The following RBMS1 variants were observed in gnomAD, a reference collection of about 807,000 sequenced individuals.
RBMS1 encodes RNA binding motif single stranded interacting protein 1.
Under a neutral mutation model 62.3 loss-of-function variants are expected in RBMS1, and 17 were observed. The ratio of observed to expected loss-of-function variants is 0.27; its 90% CI spans 0.19 to 0.41. RBMS1 has a LOEUF of 0.41. Ranked by LOEUF, RBMS1 falls within the 10% of genes least tolerant of loss-of-function variation. The probability of loss-of-function intolerance (pLI) is 1.00; values close to 1 mark genes in which losing one functional copy is unlikely to be tolerated. For synonymous variants in RBMS1, 172 were observed against 170.0 expected, an observed-to-expected ratio of 1.01 and a Z score of -0.09; for missense variants, 334 against 504.5, an observed-to-expected ratio of 0.66 and a Z score of 3.24.
intron 1 of RBMS1, among the ~76,000 whole-genome samples, chr2:160,436,222 T>C (rs1683104702): frequency 6.6e-6 from 1 of 152,238 alleles, no homozygotes; most frequent in South Asian, 2.1e-4. Context: ...TGACCAATAA[T>C]GTGTAGTAGA....
At chr2:160,452,953 A>T (rs1170299054) in intron 1 of RBMS1, among the ~76,000 whole-genome samples, 2 of 152,180 alleles carry the variant, frequency 1.3e-5, no homozygotes, top group African/African-American at 4.8e-5. Flanking sequence ...TAACCTTGTA[A>T]TGCCTTAGTA....
chr2:160,426,597 A>G (rs952013528), intron 1 of RBMS1, among the ~76,000 whole-genome samples: 1 of 152,208 alleles, frequency 6.6e-6, no homozygotes, highest in Non-Finnish European at 1.5e-5. Flanking sequence ...GTGGATATAG[A>G]TGTTGTTAAA....
intron 1 of RBMS1, among the ~76,000 whole-genome samples, chr2:160,396,815 G>T: frequency 6.6e-6 from 1 of 151,934 alleles, no homozygotes; most frequent in East Asian, 1.9e-4. Context: ...CGCCCACCTC[G>T]GACTCCCAAA....
chr2:160,278,716 G>T, intron 10 of RBMS1, 58 bp from the exon 11 acceptor site: 1 of 1,088,024 alleles, frequency 9.2e-7, no homozygotes, highest in Non-Finnish European at 1.3e-6. Flanking sequence ...TTAAGATCCT[G>T]TAATTACTTT....
chr2:160,347,825 C>G (rs1475716068), intron 2 of RBMS1, among the ~76,000 whole-genome samples: 1 of 152,038 alleles, frequency 6.6e-6, no homozygotes, highest in East Asian at 1.9e-4. Context: ...CAATAACACA[C>G]CAGTAGAAGC....
intron 2 of RBMS1, among the ~76,000 whole-genome samples, chr2:160,360,899 A>G (rs1233322339): frequency 1.3e-5 from 2 of 152,250 alleles, no homozygotes; most frequent in African/African-American, 4.8e-5. Context: ...AAGCACAAGG[A>G]AAACTTACAG....
rs1431336010 is a variant in RBMS1, at chr2:160,272,820, T to G, written c.*1952A>C. Reference sequence around the variant, plus strand: ...TAATTTTCACTAGAATCTACACTTCTCAGAGCAGCAAGGACTTTTGAAACT... The same window carrying G: ...TAATTTTCACTAGAATCTACACTTCGCAGAGCAGCAAGGACTTTTGAAACT... On this transcript the variant is annotated 3_prime_UTR_variant, in exon 14 of 14. Coordinates refer to ENST00000348849, the MANE Select transcript of RBMS1 (RefSeq NM_016836.4). 1.3e-5 allele frequency: 2 copies of G among 152,266 alleles called. No individual in the cohort carries two copies. The highest frequency in any genetic ancestry group is 3.8e-4 in the East Asian group (2 of 5,206). 9.4% of individuals were successfully genotyped at this position (152,266 alleles called of 1,614,324 possible). A position where few individuals can be genotyped will look rare whatever the true frequency, so the allele number is the denominator to read the frequency against.
intron 2 of RBMS1, among the ~76,000 whole-genome samples, chr2:160,347,716 T>C (rs1359369810): frequency 6.6e-6 from 1 of 152,122 alleles, no homozygotes; most frequent in Admixed American, 6.6e-5. Context: ...TACTGATCTC[T>C]AACACCATAC....
intron 4 of RBMS1, among the ~76,000 whole-genome samples, chr2:160,306,594 C>T (rs907551882): frequency 3.3e-5 from 5 of 151,330 alleles, no homozygotes; most frequent in African/African-American, 1.2e-4. Flanking sequence ...ATCTTACAAA[C>T]ATTGTCCACA....
In RBMS1 at chr2:160,272,996, A is replaced by G. The variant is rs981596482; in HGVS notation, c.*1776T>C. The G allele has an allele frequency of 5.9e-5, 9 of 152,270 alleles. No homozygotes were observed. Among genetic ancestry groups the G allele is most frequent in the Non-Finnish European group, 8.8e-5 (6 of 68,048 alleles). 9.4% of individuals were successfully genotyped at this position (152,270 alleles called of 1,614,324 possible). ...AGGGCCAGCAACCTGTCCCAGCACA[A>G]AAGAAAATAGACTCTGAGGTAGATA... is the stretch of plus-strand genomic sequence containing the variant. On this transcript the variant is annotated 3_prime_UTR_variant, in exon 14 of 14. Coordinates refer to ENST00000348849, the MANE Select transcript of RBMS1 (RefSeq NM_016836.4).
chr2:160,333,623 T>C (rs574393341), intron 2 of RBMS1, among the ~76,000 whole-genome samples: 1 of 152,156 alleles, frequency 6.6e-6, no homozygotes, highest in Non-Finnish European at 1.5e-5. Flanking sequence ...CTGAAGCTCA[T>C]TTCCTAGACC....
chr2:160,439,647 C>T (rs965857513), intron 1 of RBMS1, among the ~76,000 whole-genome samples: 2 of 151,806 alleles, frequency 1.3e-5, no homozygotes, highest in Admixed American at 6.6e-5. Context: ...ACTTCCCGGA[C>T]GGGGTGGCGG....
At chr2:160,367,109 CCA>C (rs1693440595) in intron 2 of RBMS1, 105 bp downstream of exon 2, 1 of 1,132,612 alleles carries the variant, frequency 8.8e-7, no homozygotes, top group Non-Finnish European at 1.2e-6. Context: ...CACTGAGAGT[CCA>C]CAGATACTTC....
chr2:160,413,870 T>C (rs1696117626), intron 1 of RBMS1, among the ~76,000 whole-genome samples: 1 of 152,176 alleles, frequency 6.6e-6, no homozygotes, highest in Non-Finnish European at 1.5e-5. Context: ...ACAAATCCAA[T>C]ACATAGTAGA....
intron 1 of RBMS1, among the ~76,000 whole-genome samples, chr2:160,481,666 A>G (rs1342959108): frequency 1.3e-5 from 2 of 152,238 alleles, no homozygotes; most frequent in Non-Finnish European, 2.9e-5. Context: ...ATATCCCAAT[A>G]AAGTTGTTAT....
At chr2:160,277,168 G>T in intron 12 of RBMS1, 135 bp downstream of exon 12, 1 of 755,232 alleles carries the variant, frequency 1.3e-6, no homozygotes, top group Non-Finnish European at 2.2e-6. Context: ...TTACAGGCAT[G>T]ACCCACCACA....
chr2:160,272,479 T>C lies in RBMS1; in HGVS notation c.*2293A>G, dbSNP rs967400293. 1 of 142,748 alleles carries C rather than the reference T, an allele frequency of 7.0e-6. No homozygotes were observed. The highest frequency in any genetic ancestry group is 1.5e-5 in the Non-Finnish European group (1 of 65,842). 8.8% of individuals were successfully genotyped at this position (142,748 alleles called of 1,614,324 possible). A position where few individuals can be genotyped will look rare whatever the true frequency, so the allele number is the denominator to read the frequency against. On this transcript the variant is annotated 3_prime_UTR_variant, in exon 14 of 14. Transcript: ENST00000348849. ...TGTCTACTATGTGATGTTTAACTGA[T>C]TTTTTTTTTTTTATGTACAGAGGTT...
intron 1 of RBMS1, among the ~76,000 whole-genome samples, chr2:160,443,128 C>A (rs1043367855): frequency 6.6e-6 from 1 of 151,690 alleles, no homozygotes; most frequent in Non-Finnish European, 1.5e-5. Context: ...ATTGCTGGAA[C>A]CCAGGAGGCG....
intron 1 of RBMS1, chr2:160,407,997 G>A: frequency 2.3e-6 from 2 of 863,954 alleles, no homozygotes; most frequent in Non-Finnish European, 2.8e-6. Context: ...CGCTGGGCGC[G>A]GCGCCTGCCG....
Sources: allele counts gnomAD v4.1 joint callset (sites outside exome capture counted in the v4.1 genomes callset), GRCh38; gene constraint gnomAD v4.1.1; transcripts MANE v1.5; gene names NCBI Gene and HGNC (gene_info 2026-07-23, HGNC 2026-07-21).